The following ATP8A1 variants were observed in gnomAD, a reference collection of about 807,000 sequenced individuals.
ATP8A1 encodes phospholipid-transporting ATPase IA.
ATP8A1 carries 90 observed loss-of-function variants against 177.7 expected under a neutral mutation model. The observed-to-expected ratio is 0.51, with a 90% confidence interval of 0.43 to 0.60. The LOEUF is 0.60. ATP8A1 is among the 20% of genes least tolerant of loss of function. The pLI is 0.00. For missense variants in ATP8A1, 1,072 were observed against 1,392.8 expected, an observed-to-expected ratio of 0.77 and a Z score of 3.67; for synonymous variants, 493 against 485.9, an observed-to-expected ratio of 1.01 and a Z score of -0.19.
At chr4:42,589,426 T>A (rs754317880) in intron 7 of ATP8A1, among the ~76,000 whole-genome samples, 16 of 152,198 alleles carry the variant, frequency 1.1e-4, no homozygotes, top group Non-Finnish European at 2.4e-4. Context: ...AACAGACTAT[T>A]CCTAGTTTCA....
chr4:42,511,709 G>A (rs1477490351), intron 22 of ATP8A1, among the ~76,000 whole-genome samples: 1 of 152,144 alleles, frequency 6.6e-6, no homozygotes, highest in Non-Finnish European at 1.5e-5. Context: ...TATTATGATA[G>A]CTTTAGAAAT....
intron 33 of ATP8A1, among the ~76,000 whole-genome samples, chr4:42,426,610 T>C (rs1714651015): frequency 6.6e-6 from 1 of 152,262 alleles, no homozygotes. Flanking sequence ...AGTGGCTGCA[T>C]AACATTGATT....
intron 21 of ATP8A1, 139 bp from the exon 22 acceptor site, chr4:42,522,438 T>C: frequency 1.0e-6 from 1 of 996,678 alleles, no homozygotes; most frequent in Non-Finnish European, 1.5e-6. Context: ...AATTAAATTA[T>C]GACAAAAACT....
rs1483664769 is a variant in ATP8A1 at position 42,552,711 on chromosome 4, G to A, written c.1414-101C>T. ...CTATTAAGAACATAGTTGTTGGCCAGACATGGTAGCTCACACCTGTAATCC... is the reference window on the plus strand; with the variant it reads ...CTATTAAGAACATAGTTGTTGGCCAAACATGGTAGCTCACACCTGTAATCC... On this transcript the variant is annotated intron_variant, in intron 16 of 36. Coordinates refer to ENST00000381668, the MANE Select transcript of ATP8A1 (RefSeq NM_006095.2). 3.6e-6 allele frequency: 3 copies of A among 842,096 alleles called. No homozygotes were observed. In the African/African-American group the frequency reaches 5.2e-5, roughly 15 times the overall value. 52.2% of individuals were successfully genotyped at this position (842,096 alleles called of 1,614,324 possible).
chr4:42,656,610 G>A (rs1741652018), intron 1 of ATP8A1, among the ~76,000 whole-genome samples: 1 of 152,128 alleles, frequency 6.6e-6, no homozygotes, highest in South Asian at 2.1e-4. Flanking sequence ...GGGCTCCCGC[G>A]GAGAACACCC....
chr4:42,429,792 C>T (rs1228415665), intron 33 of ATP8A1, among the ~76,000 whole-genome samples: 1 of 152,208 alleles, frequency 6.6e-6, no homozygotes, highest in African/African-American at 2.4e-5. Flanking sequence ...TATCATTCAG[C>T]TTTCAAAGAC....
At chr4:42,481,487 C>T (rs867573913) in intron 25 of ATP8A1, among the ~76,000 whole-genome samples, 2 of 152,222 alleles carry the variant, frequency 1.3e-5, no homozygotes, top group Non-Finnish European at 2.9e-5. Flanking sequence ...ACTGCCAAAT[C>T]AGTAGAGCTA....
At chr4:42,626,901 G>A in intron 2 of ATP8A1, 94 bp downstream of exon 2, 1 of 860,676 alleles carries the variant, frequency 1.2e-6, no homozygotes, top group Non-Finnish European at 1.9e-6. Flanking sequence ...AATATTAACT[G>A]ACTGCACTGA....
chr4:42,486,736 T>A (rs1458243000), intron 24 of ATP8A1, among the ~76,000 whole-genome samples: 1 of 152,168 alleles, frequency 6.6e-6, no homozygotes, highest in African/African-American at 2.4e-5. Flanking sequence ...TGAGACCATA[T>A]TTTTACTGTG....
intron 24 of ATP8A1, among the ~76,000 whole-genome samples, chr4:42,493,023 C>T (rs1722879821): frequency 6.6e-6 from 1 of 152,196 alleles, no homozygotes; most frequent in South Asian, 2.1e-4. Context: ...CACTGTGACA[C>T]AACTCTTCAT....
At chr4:42,556,300 A>ATAT (rs1299288282) in intron 15 of ATP8A1, 1 of 291,166 alleles carries the variant, frequency 3.4e-6, no homozygotes, top group Non-Finnish European at 6.3e-6. Context: ...GAGTTAAATT[A>ATAT]TATCGCAGCC....
At chr4:42,654,934 G>C (rs1741471704) in intron 1 of ATP8A1, among the ~76,000 whole-genome samples, 1 of 152,170 alleles carries the variant, frequency 6.6e-6, no homozygotes, top group Non-Finnish European at 1.5e-5. Flanking sequence ...AGAAAAGTGT[G>C]GGCAGAGCAG....
intron 33 of ATP8A1, among the ~76,000 whole-genome samples, chr4:42,442,512 T>C (rs1445819532): frequency 1.3e-5 from 2 of 152,214 alleles, no homozygotes; most frequent in Admixed American, 6.5e-5. Flanking sequence ...TCACAATATA[T>C]GTTTCAAAAG....
intron 24 of ATP8A1, among the ~76,000 whole-genome samples, chr4:42,498,145 T>C (rs1023148437): frequency 2.0e-5 from 3 of 152,228 alleles, no homozygotes; most frequent in Non-Finnish European, 2.9e-5. Flanking sequence ...ATGAGACTCA[T>C]GGGACATATC....
At chr4:42,499,390 G>A (rs533115552) in intron 24 of ATP8A1, among the ~76,000 whole-genome samples, 26 of 152,162 alleles carry the variant, frequency 1.7e-4, no homozygotes, top group Non-Finnish European at 2.1e-4. Flanking sequence ...GATTTGAGAT[G>A]TAGCTCTACC....
chr4:42,572,833 G>T (rs1560473713), intron 14 of ATP8A1, among the ~76,000 whole-genome samples: 1 of 152,154 alleles, frequency 6.6e-6, no homozygotes, highest in South Asian at 2.1e-4. Context: ...TCTGAAAATA[G>T]ATTTTCTAGG....
chr4:42,487,515 A>G (rs951947185), intron 24 of ATP8A1, among the ~76,000 whole-genome samples: 1 of 152,048 alleles, frequency 6.6e-6, no homozygotes, highest in Non-Finnish European at 1.5e-5. Flanking sequence ...TATTTATAAA[A>G]TAAATACAAA....
At chr4:42,613,967 G>A (rs1237855377) in intron 5 of ATP8A1, among the ~76,000 whole-genome samples, 3 of 151,754 alleles carry the variant, frequency 2.0e-5, no homozygotes, top group African/African-American at 7.3e-5. Flanking sequence ...AGTGTATTCT[G>A]TTGACTGAAA....
At chr4:42,588,483 C>T in intron 7 of ATP8A1, 154 bp from the exon 8 acceptor site, 1 of 612,744 alleles carries the variant, frequency 1.6e-6, no homozygotes, top group East Asian at 3.1e-5. Flanking sequence ...CAGCAAGATG[C>T]TGTGAGGCAG....
Sources: gnomAD v4.1 joint callset for allele counts (sites outside exome capture counted in the v4.1 genomes callset) on GRCh38, gnomAD v4.1.1 for gene constraint, MANE v1.5 for transcripts, NCBI Gene and HGNC (gene_info 2026-07-23, HGNC 2026-07-21) for gene names.